Variants in TTC34 observed in about 807,000 individuals in gnomAD.
The protein encoded by TTC34 is tetratricopeptide repeat protein 34.
Under a neutral mutation model 40.7 loss-of-function variants are expected in TTC34, and 44 were observed. The ratio of observed to expected loss-of-function variants is 1.08; its 90% confidence interval spans 0.85 to 1.39. The LOEUF is 1.39. TTC34 is among the 40% of genes most tolerant of loss of function. TTC34 has a pLI of 0.00. For synonymous variants in TTC34, 422 were observed against 398.6 expected (o/e 1.06, Z -0.70); for missense variants, 884 against 838.0 (o/e 1.05, Z -0.68).
chr1:2,640,461 G>C (rs1638878029), exon 9 of TTC34: 1 of 152,232 alleles, frequency 6.6e-6, no homozygotes. Flanking sequence ...GTGGGAGCCT[G>C]GGGACTGTGC....
chr1:2,653,616 G>C (rs1329792056), intron 6 of TTC34, among the ~76,000 whole-genome samples: 3 of 142,260 alleles, frequency 2.1e-5, no homozygotes, highest in Non-Finnish European at 4.5e-5. Flanking sequence ...ACACCCACAA[G>C]TGAGCATCTG....
chr1:2,683,946 AC>A (rs1640201386), intron 6 of TTC34, among the ~76,000 whole-genome samples: 1 of 136,500 alleles, frequency 7.3e-6, no homozygotes, highest in Non-Finnish European at 1.5e-5. Context: ...CTGGAGCAGT[AC>A]CCACACCCAC....
chr1:2,683,353 C>G (rs1329244795), intron 6 of TTC34, among the ~76,000 whole-genome samples: 1 of 129,328 alleles, frequency 7.7e-6, no homozygotes, highest in African/African-American at 3.0e-5. Flanking sequence ...ACCCTGCACC[C>G]CCAGGTGAGC....
chr1:2,754,819 C>A (rs1435069261), intron 6 of TTC34, among the ~76,000 whole-genome samples: 2,950 of 81,982 alleles, frequency 0.036, no homozygotes, highest in Middle Eastern at 0.11. Context: ...GAAACCACAC[C>A]CCCAGGTGAG....
chr1:2,794,462 A>G (rs1424664588), intron 2 of TTC34, among the ~76,000 whole-genome samples: 1 of 152,138 alleles, frequency 6.6e-6, no homozygotes, highest in African/African-American at 2.4e-5. Context: ...TGTTTTGCAT[A>G]TTTTGTTAAA....
At chr1:2,641,389 G>A (rs1638898236) in exon 9 of TTC34, 2 of 1,522,102 alleles carry the variant, frequency 1.3e-6, no homozygotes, top group Non-Finnish European at 1.8e-6. Context: ...AGCAGCCTGA[G>A]GATGCCTCCC....
chr1:2,765,636 C>T (rs1411542519), intron 6 of TTC34, among the ~76,000 whole-genome samples: 1 of 6,700 alleles, frequency 1.5e-4, no homozygotes, highest in Non-Finnish European at 2.3e-4. Context: ...AACCCCACAC[C>T]CCCAGGTGAG....
chr1:2,749,832 A>C, intron 6 of TTC34, among the ~76,000 whole-genome samples: 1 of 74,332 alleles, frequency 1.3e-5, no homozygotes, highest in East Asian at 4.5e-4. Flanking sequence ...ACAGCCTGGA[A>C]CAGCACCCAC....
chr1:2,685,358 C>A (rs1461825192), intron 6 of TTC34, among the ~76,000 whole-genome samples: 10 of 138,170 alleles, frequency 7.2e-5, no homozygotes, highest in African/African-American at 1.2e-4. Flanking sequence ...GGCACCCACA[C>A]CCCTAGGTGA....
exon 9 of TTC34, chr1:2,641,712 C>T (rs1053191328): frequency 6.5e-7 from 1 of 1,535,540 alleles, no homozygotes; most frequent in South Asian, 1.2e-5. Flanking sequence ...CCCAGCGCCT[C>T]CTGGAGCACA....
At chr1:2,767,544 C>CA in intron 6 of TTC34, among the ~76,000 whole-genome samples, 1 of 118,224 alleles carries the variant, frequency 8.5e-6, no homozygotes, top group African/African-American at 3.4e-5. Context: ...GAATCTGACG[C>CA]ATAAAACAGC....
intron 6 of TTC34, among the ~76,000 whole-genome samples, chr1:2,682,081 CT>C (rs1640106076): frequency 7.9e-6 from 1 of 126,440 alleles, no homozygotes; most frequent in Non-Finnish European, 1.7e-5. Context: ...AGGTGAGCAT[CT>C]GACAGCCTGG....
At position 2,749,003 on chromosome 1, in the gene TTC34, C is replaced by T. The variant is rs1641232580; in HGVS notation, c.2226+34606G>A. ...GACGGCCTGGAACAGCACCCACACG[C>T]CCAGGTGAGCATCTGACAGCCTGGA... On this transcript the variant is annotated intron_variant, in intron 6 of 8. Transcript: ENST00000401095. Among the ~76,000 whole-genome samples the T allele has an allele frequency of 2.9e-5, 4 of 139,934 alleles. 1 individual carries two copies. The highest frequency in any genetic ancestry group is 6.2e-5 in the Non-Finnish European group (4 of 64,954). 91.8% of individuals were successfully genotyped at this position (139,934 alleles called of 152,430 possible).
At chr1:2,756,651 G>A (rs1641515656) in intron 6 of TTC34, among the ~76,000 whole-genome samples, 1 of 151,930 alleles carries the variant, frequency 6.6e-6, no homozygotes, top group Admixed American at 6.6e-5. Context: ...CTGACAGCCT[G>A]GAACAGCACC....
At chr1:2,693,666 C>CAA (rs1640729764) in intron 6 of TTC34, among the ~76,000 whole-genome samples, 1 of 66,518 alleles carries the variant, frequency 1.5e-5, no homozygotes, top group Admixed American at 1.4e-4. Context: ...AGTGCCCACA[C>CAA]CCCCAGGTGA....
chr1:2,685,078 C>T (rs1249595194), intron 6 of TTC34, among the ~76,000 whole-genome samples: 5 of 99,736 alleles, frequency 5.0e-5, no homozygotes, highest in Admixed American at 4.1e-4. Context: ...GCAGCCTGCA[C>T]CCCCAGGTGT....
At chr1:2,752,909 C>T (rs1641372071) in intron 6 of TTC34, among the ~76,000 whole-genome samples, 2 of 149,758 alleles carry the variant, frequency 1.3e-5, no homozygotes, top group African/African-American at 5.0e-5. Context: ...AGGTGAGCAT[C>T]CGACATCCTG....
exon 5 of TTC34, chr1:2,786,008 C>T (rs1273545714): frequency 2.0e-6 from 3 of 1,471,252 alleles, no homozygotes; most frequent in African/African-American, 2.8e-5. Flanking sequence ...CCAGACTGGA[C>T]CAGCTTCTTC....
intron 6 of TTC34, among the ~76,000 whole-genome samples, chr1:2,685,281 C>A (rs113545457): frequency 3.3e-5 from 4 of 120,894 alleles, no homozygotes; most frequent in Admixed American, 8.4e-5. Flanking sequence ...CCCTGCACCC[C>A]CAGGTGAGCA....
Sources: gnomAD v4.1 joint callset for allele counts (sites outside exome capture counted in the v4.1 genomes callset) on GRCh38, gnomAD v4.1.1 for gene constraint, MANE v1.5 for transcripts, NCBI Gene and HGNC (gene_info 2026-07-23, HGNC 2026-07-21) for gene names.